CNTN6: variants seen among roughly 807,000 people sequenced by gnomAD.
CNTN6 encodes the protein contactin 6, also known as contactin-6.
CNTN6 carries 137 observed loss-of-function variants against 122.8 expected under a neutral mutation model. That is an observed-to-expected ratio of 1.12 (90% confidence interval 0.97 to 1.29). CNTN6 has a LOEUF of 1.29. Ranked by LOEUF, CNTN6 falls within the 50% of genes most tolerant of loss-of-function variation. The pLI, the probability that CNTN6 is intolerant of heterozygous loss-of-function variation, is 0.00. For synonymous variants in CNTN6, 570 were observed against 426.0 expected (o/e 1.34, Z -4.16); for missense variants, 1,634 against 1,223.4 (o/e 1.34, Z -5.01).
chr3:1,196,523 G>A (rs191067994), intron 2 of CNTN6, among the ~76,000 whole-genome samples: 167 of 152,246 alleles, frequency 1.1e-3, no homozygotes, highest in Admixed American at 2.0e-3. Flanking sequence ...GTGACTGGCA[G>A]AGGGAAGACA....
intron 2 of CNTN6, among the ~76,000 whole-genome samples, chr3:1,191,406 C>T (rs544319195): frequency 9.2e-5 from 14 of 152,194 alleles, no homozygotes; most frequent in Non-Finnish European, 1.5e-4. Flanking sequence ...TGTGATGAAG[C>T]CTCAACACCA....
chr3:1,279,479 A>G (rs1160333089), intron 5 of CNTN6, among the ~76,000 whole-genome samples: 2 of 152,210 alleles, frequency 1.3e-5, no homozygotes, highest in Non-Finnish European at 2.9e-5. Flanking sequence ...AAAACTTATA[A>G]GAGATATATG....
chr3:1,113,010 A>G (rs1006572444), intron 1 of CNTN6, among the ~76,000 whole-genome samples: 2 of 152,172 alleles, frequency 1.3e-5, no homozygotes, highest in African/African-American at 4.8e-5. Context: ...TCACTTATTA[A>G]ATACTTGTTA....
intron 2 of CNTN6, among the ~76,000 whole-genome samples, chr3:1,156,762 G>A (rs998896333): frequency 8.0e-5 from 12 of 150,422 alleles, no homozygotes; most frequent in African/African-American, 2.9e-4. Flanking sequence ...TGCCAAGGCT[G>A]AAGTGCAATG....
intron 1 of CNTN6, among the ~76,000 whole-genome samples, chr3:1,116,598 A>G (rs1343033124): frequency 2.6e-5 from 4 of 152,124 alleles, no homozygotes; most frequent in Non-Finnish European, 4.4e-5. Context: ...AACCTGATAT[A>G]GAATTATATT....
chr3:1,188,915 T>A (rs1374561832), intron 2 of CNTN6, among the ~76,000 whole-genome samples: 1 of 152,056 alleles, frequency 6.6e-6, no homozygotes, highest in Non-Finnish European at 1.5e-5. Context: ...GTGTGATTGC[T>A]TATCCGTCTA....
chr3:1,232,428 C>T (rs1482775688), intron 4 of CNTN6, among the ~76,000 whole-genome samples: 1 of 152,096 alleles, frequency 6.6e-6, no homozygotes, highest in African/African-American at 2.4e-5. Context: ...CTCAACAGAA[C>T]AGACAGGGGA....
intron 1 of CNTN6, among the ~76,000 whole-genome samples, chr3:1,125,287 C>A (rs1403859349): frequency 6.6e-6 from 1 of 151,878 alleles, no homozygotes; most frequent in African/African-American, 2.4e-5. Flanking sequence ...CAGACTGAGA[C>A]ACAGACCCAA....
chr3:1,152,755 A>G (rs2125195054), intron 2 of CNTN6, among the ~76,000 whole-genome samples: 1 of 152,328 alleles, frequency 6.6e-6, no homozygotes, highest in Non-Finnish European at 1.5e-5. Flanking sequence ...AGACTTGATG[A>G]TAATAGGTTG....
intron 1 of CNTN6, among the ~76,000 whole-genome samples, chr3:1,103,900 C>T (rs1337160508): frequency 6.6e-6 from 1 of 152,024 alleles, no homozygotes; most frequent in African/African-American, 2.4e-5. Context: ...TTTTTTTCTA[C>T]ATGAAACGGT....
chr3:1,325,263 T>A (rs1468729125), intron 8 of CNTN6, among the ~76,000 whole-genome samples: 1 of 151,828 alleles, frequency 6.6e-6, no homozygotes, highest in Non-Finnish European at 1.5e-5. Flanking sequence ...ACTCCAAATG[T>A]TCACCATTCC....
intron 7 of CNTN6, among the ~76,000 whole-genome samples, chr3:1,316,685 T>C (rs1196483182): frequency 6.6e-6 from 1 of 151,936 alleles, no homozygotes; most frequent in Non-Finnish European, 1.5e-5. Flanking sequence ...TTTCTCTCTT[T>C]ACTACATACA....
intron 4 of CNTN6, among the ~76,000 whole-genome samples, chr3:1,262,523 G>A (rs192292392): frequency 7.9e-5 from 12 of 152,160 alleles, no homozygotes; most frequent in Admixed American, 2.0e-4. Context: ...CTCCACCCCC[G>A]CTTTAGTTTA....
rs188975492 is a variant in CNTN6, at chr3:1,295,633, C to A, written c.487C>A (p.Pro163Thr). 1.9e-5 allele frequency: 31 copies of A among 1,613,688 alleles called. No homozygotes were observed. In the Admixed American group the frequency reaches 4.2e-4, roughly 22 times the overall value. The change falls in exon 6 of 23, where the codon CCC becomes ACC. Residue 163 changes from proline to threonine, a missense_variant. By Grantham distance (38) the Pro-to-Thr change is conservative. Coordinates refer to ENST00000446702, the MANE Select transcript of CNTN6 (RefSeq NM_001289080.2). ...TTATGCATGGACCTTCAATGATAAC[C>A]CCTTATACGTCCAAGAGGACAATAG... ...LSYAWTFNDN[P>T]LYVQEDNRRF...
chr3:1,192,310 G>A (rs2093713728), intron 2 of CNTN6, among the ~76,000 whole-genome samples: 1 of 152,014 alleles, frequency 6.6e-6, no homozygotes, highest in African/African-American at 2.4e-5. Context: ...ACTTGCTAGT[G>A]CCTCTTCCTA....
At chr3:1,389,480 A>G (rs1393719653) in intron 20 of CNTN6, among the ~76,000 whole-genome samples, 6 of 152,132 alleles carry the variant, frequency 3.9e-5, no homozygotes, top group African/African-American at 9.7e-5. Flanking sequence ...AAAGACCATC[A>G]AGACTAGGAA....
chr3:1,311,378 AT>A (rs1214177130), intron 7 of CNTN6, among the ~76,000 whole-genome samples: 1 of 110,952 alleles, frequency 9.0e-6, no homozygotes, highest in East Asian at 2.7e-4. Context: ...TACATATAAA[AT>A]GTCTTTATAT....
In CNTN6 at chr3:1,255,820, C is replaced by G. The variant is rs566563710; in HGVS notation, c.359-22593C>G. Among the ~76,000 whole-genome samples, 5 of 152,164 alleles carry G rather than the reference C, an allele frequency of 3.3e-5. No homozygotes were observed. The South Asian group carries it at 6.2e-4, about 19-fold the overall frequency. Reference sequence around the variant, plus strand: ...CCTGAGTAGTAGCTGGGTCCACAAGCTTGCACCACCATGACTGGCTAATTT... The same window carrying G: ...CCTGAGTAGTAGCTGGGTCCACAAGGTTGCACCACCATGACTGGCTAATTT... On this transcript the variant is annotated intron_variant, in intron 4 of 22. Coordinates refer to ENST00000446702, the MANE Select transcript of CNTN6 (RefSeq NM_001289080.2).
chr3:1,325,562 G>T (rs1367965745), intron 8 of CNTN6, among the ~76,000 whole-genome samples: 1 of 151,788 alleles, frequency 6.6e-6, no homozygotes, highest in Non-Finnish European at 1.5e-5. Flanking sequence ...CAGCTCCCAA[G>T]TTGTTATACA....
Sources: gnomAD v4.1 joint callset for allele counts (sites outside exome capture counted in the v4.1 genomes callset) on GRCh38, gnomAD v4.1.1 for gene constraint, MANE v1.5 for transcripts, NCBI Gene and HGNC (gene_info 2026-07-23, HGNC 2026-07-21) for gene names.